PCDHA4: variants seen among roughly 807,000 people sequenced by gnomAD.
PCDHA4 encodes protocadherin alpha 4.
In PCDHA4, 49 loss-of-function variants were observed where a neutral mutation model predicts 61.4. That is an observed-to-expected ratio of 0.80 (90% CI 0.63 to 1.01). PCDHA4 has a LOEUF of 1.01. PCDHA4 is among the 50% of genes least tolerant of loss of function. The pLI is 0.00. For missense variants in PCDHA4, 1,254 were observed against 1,235.8 expected (o/e 1.01, Z -0.22); for synonymous variants, 590 against 550.3 (o/e 1.07, Z -1.01).
At position 140,897,120 on chromosome 5, in the gene PCDHA4, C is replaced by T. The variant is rs116233032; in HGVS notation, c.2386-81829C>T. Among the ~76,000 whole-genome samples, 1,215 of 152,248 alleles carry T rather than the reference C, an allele frequency of 8.0e-3. 5 individuals are homozygous for T. The highest frequency in any genetic ancestry group is 0.019 in the African/African-American group (784 of 41,540). On this transcript the variant is annotated intron_variant, in intron 1 of 3. Coordinates refer to ENST00000530339, the MANE Select transcript of PCDHA4 (RefSeq NM_018907.4). ...TAAAAATCTCCACTTTCTGTCCACA[C>T]CCCACTAAACTTTCTAGCCTTTGTT... is the stretch of plus-strand genomic sequence containing the variant.
chr5:140,895,670 G>A (rs551602030), intron 1 of PCDHA4, among the ~76,000 whole-genome samples: 2 of 152,132 alleles, frequency 1.3e-5, no homozygotes, highest in African/African-American at 2.4e-5. Context: ...AGAACATGTA[G>A]TATTTGGTTT....
chr5:140,847,199 C>A (rs2150397998), intron 1 of PCDHA4, among the ~76,000 whole-genome samples: 1 of 149,422 alleles, frequency 6.7e-6, no homozygotes, highest in Non-Finnish European at 1.5e-5. Context: ...AGGAATTTGG[C>A]CACTCTTTAG....
chr5:140,928,428 C>T (rs1273911750), intron 1 of PCDHA4: 2 of 1,614,026 alleles, frequency 1.2e-6, no homozygotes, highest in Non-Finnish European at 8.5e-7. Flanking sequence ...CCAAAACTTC[C>T]TTTGACTTTG....
chr5:141,003,511 C>T (rs2098128112), intron 3 of PCDHA4, among the ~76,000 whole-genome samples: 2 of 152,114 alleles, frequency 1.3e-5, no homozygotes, highest in African/African-American at 4.8e-5. Flanking sequence ...TGGGGTTTCA[C>T]CATGTTCCCT....
At chr5:140,931,815 T>C (rs954167352) in intron 1 of PCDHA4, among the ~76,000 whole-genome samples, 47 of 152,114 alleles carry the variant, frequency 3.1e-4, no homozygotes, top group African/African-American at 8.4e-4. Flanking sequence ...TAGAAAAGAA[T>C]TCTTGTCATA....
At chr5:141,008,428 T>C (rs2098376052) in intron 3 of PCDHA4, among the ~76,000 whole-genome samples, 1 of 152,182 alleles carries the variant, frequency 6.6e-6, no homozygotes, top group Admixed American at 6.5e-5. Flanking sequence ...TGGGATCACT[T>C]TGCCCAGACA....
chr5:140,842,286 C>T lies in PCDHA4; in HGVS notation c.2385+32714C>T, dbSNP rs1554138940. 21 of 1,610,290 alleles carry T rather than the reference C, an allele frequency of 1.3e-5. 1 individual carries two copies. The highest frequency in any genetic ancestry group is 1.5e-5 in the Non-Finnish European group (18 of 1,176,908). On this transcript the variant is annotated intron_variant, in intron 1 of 3. Transcript: ENST00000530339. ...AACTTATACAAAATCCTCATTGACG[C>T]CACGGACAAAGGCCATCCTCCCATG...
chr5:140,903,367 T>G (rs1247838310), intron 1 of PCDHA4, among the ~76,000 whole-genome samples: 1 of 152,188 alleles, frequency 6.6e-6, no homozygotes, highest in African/African-American at 2.4e-5. Flanking sequence ...TTCAAAAATA[T>G]AGGGAGGATT....
At chr5:140,962,454 T>A (rs1554226040) in intron 1 of PCDHA4, among the ~76,000 whole-genome samples, 1 of 152,194 alleles carries the variant, frequency 6.6e-6, no homozygotes, top group Non-Finnish European at 1.5e-5. Flanking sequence ...TTGAATCTCT[T>A]ATGGCTTGAA....
chr5:140,862,092 C>G (rs987479365), intron 1 of PCDHA4: 1 of 156,922 alleles, frequency 6.4e-6, no homozygotes, highest in African/African-American at 2.4e-5. Context: ...AGCCCTTTTT[C>G]GCATAGATTC....
intron 1 of PCDHA4, chr5:140,876,415 G>A (rs782679956): frequency 6.2e-7 from 1 of 1,613,960 alleles, no homozygotes. Flanking sequence ...AGAGAATAAT[G>A]CCTATGAAAT....
At chr5:140,894,151 A>G (rs1554185957) in intron 1 of PCDHA4, among the ~76,000 whole-genome samples, 1 of 152,034 alleles carries the variant, frequency 6.6e-6, no homozygotes, top group Non-Finnish European at 1.5e-5. Flanking sequence ...CTTCTATGTA[A>G]TTATCCCTGA....
intron 1 of PCDHA4, among the ~76,000 whole-genome samples, chr5:140,942,516 G>C (rs1172442572): frequency 2.0e-5 from 3 of 152,004 alleles, no homozygotes; most frequent in African/African-American, 7.3e-5. Flanking sequence ...AAACTCAGAG[G>C]GGAAGCAACT....
In PCDHA4 at chr5:140,851,928, G is replaced by A. The variant is rs1294571099; in HGVS notation, c.2385+42356G>A. 4.1e-6 allele frequency: 4 copies of A among 965,790 alleles called. 1 individual carries two copies. In the African/African-American group the frequency reaches 7.1e-5, roughly 17 times the overall value. 59.8% of individuals were successfully genotyped at this position (965,790 alleles called of 1,614,324 possible). On this transcript the variant is annotated intron_variant, in intron 1 of 3. Coordinates refer to ENST00000530339, the MANE Select transcript of PCDHA4 (RefSeq NM_018907.4). Reference sequence around the variant, plus strand: ...AATGTCACTACATGTTATGTTTCCTGAATTGTAGTATGTGACTTTCAAAAT... The same window carrying A: ...AATGTCACTACATGTTATGTTTCCTAAATTGTAGTATGTGACTTTCAAAAT...
chr5:140,920,588 G>A lies in PCDHA4; in HGVS notation c.2386-58361G>A, dbSNP rs561082502. 2.0e-5 allele frequency among the ~76,000 whole-genome samples: 3 copies of A among 152,284 alleles called. No individual in the cohort carries two copies. The South Asian group carries it at 6.2e-4, about 32-fold the overall frequency. On this transcript the variant is annotated intron_variant, in intron 1 of 3. Transcript: ENST00000530339. ...AGGCCAGGAGCAGTGGCTCACGCCT[G>A]TAATCCCAGCACTTTGGGAGGCCGA...
intron 1 of PCDHA4, among the ~76,000 whole-genome samples, chr5:140,950,049 CTATT>C (rs2094445672): frequency 1.3e-5 from 2 of 151,756 alleles, no homozygotes; most frequent in Non-Finnish European, 3.0e-5. Flanking sequence ...CCATATAAGA[CTATT>C]TAGCTCTTCC....
At chr5:140,819,050 A>G (rs1440435976) in intron 1 of PCDHA4, among the ~76,000 whole-genome samples, 1 of 152,190 alleles carries the variant, frequency 6.6e-6, no homozygotes, top group Non-Finnish European at 1.5e-5. Context: ...GGGCAGTTAT[A>G]CCTTCCTCTG....
chr5:140,927,685 A>G lies in PCDHA4; in HGVS notation c.2386-51264A>G, dbSNP rs782137754. 2.5e-6 allele frequency: 4 copies of G among 1,614,092 alleles called. No individual in the cohort carries two copies. In the African/African-American group the frequency reaches 4.0e-5, roughly 16 times the overall value. ...AGCCTTGGATCCAGATGAAGGGTCC[A>G]ATGGGGAAGTCCAGTACTCCCTAAG... is the stretch of plus-strand genomic sequence containing the variant. On this transcript the variant is annotated intron_variant, in intron 1 of 3. Transcript: ENST00000530339.
chr5:140,870,319 T>A, intron 1 of PCDHA4: 1 of 1,614,162 alleles, frequency 6.2e-7, no homozygotes, highest in Non-Finnish European at 8.5e-7. Context: ...TTACTACTCG[T>A]TGGTGCTGGA....
Sources: allele counts gnomAD v4.1 joint callset (sites outside exome capture counted in the v4.1 genomes callset), GRCh38; gene constraint gnomAD v4.1.1; transcripts MANE v1.5; gene names NCBI Gene and HGNC (gene_info 2026-07-23, HGNC 2026-07-21).